EDDM3A: variants seen among roughly 807,000 people sequenced by gnomAD.
EDDM3A encodes the protein epididymal protein 3A, also known as epididymal secretory protein E3-alpha.
For missense variants in EDDM3A, 199 were observed against 177.4 expected (o/e 1.12, Z -0.69); for synonymous variants, 75 against 60.4 (o/e 1.24, Z -1.12).
chr14:20,742,186 C>T (rs1480208295), upstream of EDDM3A, among the ~76,000 whole-genome samples: 6 of 152,166 alleles, frequency 3.9e-5, no homozygotes, highest in Admixed American at 1.3e-4. Flanking sequence ...TGAAGAATTC[C>T]TACAAGAGGT....
the EDDM3A span, among the ~76,000 whole-genome samples, chr14:20,736,332 A>G: frequency 6.6e-6 from 1 of 151,742 alleles, no homozygotes; most frequent in South Asian, 2.1e-4. Flanking sequence ...CTGGTCTCAG[A>G]CTCCCGACCT....
At chr14:20,744,217 A>T (rs1360508965), upstream of EDDM3A, among the ~76,000 whole-genome samples, 1 of 152,228 alleles carries the variant, frequency 6.6e-6, no homozygotes, top group Non-Finnish European at 1.5e-5. Context: ...AGACCTAGAG[A>T]GTAGAAGGAT....
chr14:20,738,069 C>T, the EDDM3A span, among the ~76,000 whole-genome samples: 2 of 152,194 alleles, frequency 1.3e-5, no homozygotes, highest in African/African-American at 4.8e-5. Context: ...CATTGGTCAT[C>T]ATGTTCCAAA....
intron 1 of EDDM3A, 66 bp from the exon 2 acceptor site, chr14:20,747,489 A>C: frequency 9.7e-7 from 1 of 1,035,324 alleles, no homozygotes; most frequent in Non-Finnish European, 1.4e-6. Flanking sequence ...AGGGAAAGGA[A>C]TTTTAAGGTG....
the EDDM3A span, among the ~76,000 whole-genome samples, chr14:20,739,980 G>A: frequency 6.6e-6 from 1 of 152,090 alleles, no homozygotes; most frequent in Non-Finnish European, 1.5e-5. Context: ...CCAGTCTGAA[G>A]ACCCCCACCA....
chr14:20,737,611 G>T, the EDDM3A span, among the ~76,000 whole-genome samples: 5 of 152,248 alleles, frequency 3.3e-5, no homozygotes, highest in African/African-American at 1.2e-4. Context: ...GACACATCAA[G>T]TAGAAGATAT....
chr14:20,737,994 AT>A, the EDDM3A span, among the ~76,000 whole-genome samples: 1 of 152,240 alleles, frequency 6.6e-6, no homozygotes, highest in African/African-American at 2.4e-5. Flanking sequence ...AAGTATCAAC[AT>A]TATTTATGAG....
chr14:20,736,905 G>A, the EDDM3A span, among the ~76,000 whole-genome samples: 2 of 151,498 alleles, frequency 1.3e-5, no homozygotes, highest in African/African-American at 2.4e-5. Context: ...TAGAGACAGG[G>A]TTTTGCCATG....
intron 1 of EDDM3A, 142 bp downstream of exon 1, chr14:20,746,134 A>G (rs951397240): frequency 5.2e-5 from 8 of 152,388 alleles, no homozygotes; most frequent in Non-Finnish European, 7.3e-5. Context: ...CCTCAGTCCC[A>G]CTGATACAGG....
At chr14:20,746,561 G>A (rs1458065310) in intron 1 of EDDM3A, among the ~76,000 whole-genome samples, 1 of 152,136 alleles carries the variant, frequency 6.6e-6, no homozygotes, top group Non-Finnish European at 1.5e-5. Context: ...ATTGATTACA[G>A]CAACAGTTCT....
intron 1 of EDDM3A, among the ~76,000 whole-genome samples, chr14:20,746,458 T>C (rs998785908): frequency 2.0e-5 from 3 of 152,158 alleles, no homozygotes; most frequent in African/African-American, 4.8e-5. Flanking sequence ...TGAGGACAGA[T>C]AGCTGGTAAA....
At chr14:20,736,132 C>T in the EDDM3A span, among the ~76,000 whole-genome samples, 66,886 of 148,458 alleles carry the variant, frequency 0.45, 15,885 homozygotes, top group East Asian at 0.67. Context: ...TTCTTTGAGA[C>T]AGAGTCTCAC....
At chr14:20,736,613 G>T in the EDDM3A span, among the ~76,000 whole-genome samples, 2 of 151,956 alleles carry the variant, frequency 1.3e-5, no homozygotes, top group South Asian at 2.1e-4. Flanking sequence ...ATTACTCTTT[G>T]GTTTTCTACT....
chr14:20,741,053 C>A (rs867826239), upstream of EDDM3A, among the ~76,000 whole-genome samples: 1 of 152,096 alleles, frequency 6.6e-6, no homozygotes, highest in Non-Finnish European at 1.5e-5. Context: ...GGATCCAAAG[C>A]CAATGGAAAA....
Position 20,747,910 on chromosome 14 carries a change from C to T in EDDM3A, c.330C>T (p.Tyr110=). ...TACTCGAGTGTCACTGGGAGAAGTA[C>T]AACAATAGGTACACAGAGAGCAGAA... is the stretch of plus-strand genomic sequence containing the variant. ...LKVLECHWEK[Y]NNRYTESRSF... is the part of the protein sequence containing the mutation. Residue 110 remains tyrosine (Y), a synonymous_variant, in exon 2 of 2, where the codon TAC becomes TAT. Coordinates refer to ENST00000326842, the MANE Select transcript of EDDM3A (RefSeq NM_006683.5). 1 of 1,614,018 alleles carries T rather than the reference C, an allele frequency of 6.2e-7. No individual in the cohort carries two copies. The highest frequency in any genetic ancestry group is 8.5e-7 in the Non-Finnish European group (1 of 1,180,008).
At chr14:20,746,748 T>C (rs1299729984) in intron 1 of EDDM3A, among the ~76,000 whole-genome samples, 2 of 152,210 alleles carry the variant, frequency 1.3e-5, no homozygotes, top group Non-Finnish European at 2.9e-5. Context: ...TGGAAAAACA[T>C]CATTTTTCAG....
Position 20,747,817 on chromosome 14 carries a change from A to G in EDDM3A, c.237A>G (p.Ala79=), listed in dbSNP as rs370592292. Residue 79 remains alanine (A), a synonymous_variant, in exon 2 of 2, where the codon GCA becomes GCG. Transcript: ENST00000326842. The part of the protein sequence containing the change: ...IYSLWFKIQR[A]CINEKGSDRY... ...GCTTATGGTTCAAAATTCAGCGTGC[A>G]TGCATCAATGAGAAGGGGAGCGACC... 217 of 1,614,060 alleles carry G rather than the reference A, an allele frequency of 1.3e-4. No homozygotes were observed. Among genetic ancestry groups the G allele is most frequent in the Non-Finnish European group, 1.7e-4 (200 of 1,180,022 alleles).
the EDDM3A span, among the ~76,000 whole-genome samples, chr14:20,738,822 G>T: frequency 1.3e-5 from 2 of 152,212 alleles, no homozygotes. Context: ...GAAAATGCAT[G>T]TGGGGAGCAA....
rs1306845915 is a variant in EDDM3A at position 20,747,681 on chromosome 14, T to C, written c.101T>C (p.Ile34Thr). Residue 34 changes from isoleucine to threonine, a missense_variant, in exon 2 of 2, where the codon ATA becomes ACA. Physicochemically the swap from Ile to Thr is moderately conservative, Grantham distance 89. Transcript: ENST00000326842. Reference protein sequence around the residue: ...YSNNIYWREFIKLHYLSPSRE... With the variant: ...YSNNIYWREFTKLHYLSPSRE... ...AACAACATTTACTGGAGAGAATTCA[T>C]AAAACTTCATTACTTAAGTCCAAGT... 2 of 1,614,194 alleles carry C rather than the reference T, an allele frequency of 1.2e-6. No homozygotes were observed. Among genetic ancestry groups the C allele is most frequent in the Non-Finnish European group, 1.7e-6 (2 of 1,180,014 alleles).
Sources: gnomAD v4.1 joint callset for allele counts (sites outside exome capture counted in the v4.1 genomes callset) on GRCh38, gnomAD v4.1.1 for gene constraint, MANE v1.5 for transcripts, NCBI Gene and HGNC (gene_info 2026-07-23, HGNC 2026-07-21) for gene names.